CTNNA2: variants seen among roughly 807,000 people sequenced by gnomAD.
The protein encoded by CTNNA2 is catenin alpha 2.
In CTNNA2, 42 loss-of-function variants were observed where a neutral mutation model predicts 101.0. The observed-to-expected ratio is 0.42, with a 90% CI of 0.32 to 0.54. The LOEUF is 0.54. Ranked by LOEUF, CTNNA2 falls within the 20% of genes least tolerant of loss-of-function variation. The probability of loss-of-function intolerance (pLI) is 0.14; values close to 1 mark genes in which losing one functional copy is unlikely to be tolerated. For synonymous variants in CTNNA2, 450 were observed against 456.4 expected, an observed-to-expected ratio of 0.99 and a Z score of 0.18; for missense variants, 871 against 1,223.1, an observed-to-expected ratio of 0.71 and a Z score of 4.29.
intron 18 of CTNNA2, among the ~76,000 whole-genome samples, chr2:80,630,585 C>T (rs149303588): frequency 1.2e-4 from 19 of 152,108 alleles, no homozygotes; most frequent in African/African-American, 4.3e-4. Flanking sequence ...TGCAGTGAGC[C>T]GAGATTGCGC....
At chr2:79,429,186 TAAAAC>T (rs1360419809) in intron 4 of CTNNA2, among the ~76,000 whole-genome samples, 3 of 152,140 alleles carry the variant, frequency 2.0e-5, no homozygotes, top group Admixed American at 6.5e-5. Context: ...TGTACACAAT[TAAAAC>T]AAAGTAACAA....
At chr2:80,034,769 C>G in intron 7 of CTNNA2, among the ~76,000 whole-genome samples, 1 of 152,112 alleles carries the variant, frequency 6.6e-6, no homozygotes, top group East Asian at 1.9e-4. Flanking sequence ...ATAAAACATT[C>G]TGTTGGTGAG....
intron 2 of CTNNA2, among the ~76,000 whole-genome samples, chr2:79,663,159 T>C (rs1261013040): frequency 1.3e-5 from 2 of 152,162 alleles, no homozygotes; most frequent in Admixed American, 1.3e-4. Context: ...GATCTGCCAC[T>C]TTCCAACTCT....
At chr2:80,580,790 A>G (rs913449987) in intron 13 of CTNNA2, among the ~76,000 whole-genome samples, 1 of 152,162 alleles carries the variant, frequency 6.6e-6, no homozygotes, top group Non-Finnish European at 1.5e-5. Flanking sequence ...CAATGCGGGC[A>G]GATCACTTCA....
At chr2:80,035,974 T>C (rs1695620273) in intron 7 of CTNNA2, among the ~76,000 whole-genome samples, 1 of 152,200 alleles carries the variant, frequency 6.6e-6, no homozygotes, top group South Asian at 2.1e-4. Flanking sequence ...AAGCAATAGA[T>C]GTAATCTACA....
intron 2 of CTNNA2, among the ~76,000 whole-genome samples, chr2:79,232,164 G>T (rs938464834): frequency 6.6e-6 from 1 of 152,142 alleles, no homozygotes; most frequent in Non-Finnish European, 1.5e-5. Flanking sequence ...TTCAGTTTTT[G>T]CTGGTTCAGT....
intron 7 of CTNNA2, among the ~76,000 whole-genome samples, chr2:80,230,732 T>A (rs1709161751): frequency 6.6e-6 from 1 of 152,162 alleles, no homozygotes; most frequent in African/African-American, 2.4e-5. Flanking sequence ...CAGAGGAAGA[T>A]GAAGCTCACA....
intron 7 of CTNNA2, among the ~76,000 whole-genome samples, chr2:80,228,127 G>A (rs1048714289): frequency 1.6e-4 from 24 of 152,192 alleles, no homozygotes; most frequent in African/African-American, 5.8e-4. Context: ...GTCAGGATCT[G>A]TGTTCAGCAA....
At chr2:79,357,801 C>G (rs79598389) in intron 3 of CTNNA2, among the ~76,000 whole-genome samples, 3 of 152,026 alleles carry the variant, frequency 2.0e-5, no homozygotes, top group African/African-American at 7.2e-5. Context: ...TAAAGAAAGC[C>G]AGAAAATAAT....
intron 2 of CTNNA2, among the ~76,000 whole-genome samples, chr2:79,306,045 CAAAAAAA>C (rs60219150): frequency 4.1e-4 from 33 of 80,140 alleles, no homozygotes; most frequent in Non-Finnish European, 5.0e-4. Context: ...GACACCATTT[CAAAAAAA>C]AAAAAAAAAA....
intron 9 of CTNNA2, among the ~76,000 whole-genome samples, chr2:80,439,367 A>C (rs1410429846): frequency 1.3e-5 from 2 of 152,150 alleles, no homozygotes; most frequent in African/African-American, 4.8e-5. Flanking sequence ...ACTTGACAAT[A>C]ACATCTAGTG....
chr2:79,998,133 G>A (rs1692685178), intron 7 of CTNNA2, among the ~76,000 whole-genome samples: 1 of 152,154 alleles, frequency 6.6e-6, no homozygotes, highest in African/African-American at 2.4e-5. Flanking sequence ...AATGAATAAA[G>A]GCCAAAGGAA....
intron 6 of CTNNA2, among the ~76,000 whole-genome samples, chr2:79,880,266 G>A (rs1683326050): frequency 6.6e-6 from 1 of 152,116 alleles, no homozygotes; most frequent in African/African-American, 2.4e-5. Context: ...ATGGATATTG[G>A]CATGAAGTTT....
intron 2 of CTNNA2, among the ~76,000 whole-genome samples, chr2:79,266,167 A>T (rs1330451456): frequency 1.3e-5 from 2 of 152,134 alleles, no homozygotes; most frequent in African/African-American, 2.4e-5. Flanking sequence ...CCTGACTTCA[A>T]ACTGCTAGTA....
intron 7 of CTNNA2, among the ~76,000 whole-genome samples, chr2:80,224,757 A>G (rs1192990405): frequency 6.6e-6 from 1 of 152,142 alleles, no homozygotes; most frequent in African/African-American, 2.4e-5. Flanking sequence ...AGCTGCATTT[A>G]TTAATGCTAC....
chr2:80,240,867 G>A (rs961198408), intron 7 of CTNNA2, among the ~76,000 whole-genome samples: 1 of 152,132 alleles, frequency 6.6e-6, no homozygotes, highest in Non-Finnish European at 1.5e-5. Context: ...TTCTGAAGTA[G>A]CATCAGGGTA....
chr2:79,536,217 T>C (rs1673047494), intron 1 of CTNNA2, among the ~76,000 whole-genome samples: 1 of 152,216 alleles, frequency 6.6e-6, no homozygotes, highest in Non-Finnish European at 1.5e-5. Context: ...CTAGGTTTTC[T>C]TAATTTGTCA....
chr2:79,809,478 C>T (rs1676837541), intron 3 of CTNNA2, among the ~76,000 whole-genome samples: 2 of 152,130 alleles, frequency 1.3e-5, no homozygotes, highest in Admixed American at 6.6e-5. Context: ...TAATAATTGC[C>T]ACTGTAACTG....
intron 5 of CTNNA2, among the ~76,000 whole-genome samples, chr2:79,506,039 A>T (rs1010415588): frequency 6.6e-6 from 1 of 152,194 alleles, no homozygotes. Flanking sequence ...TACACAATGT[A>T]AACAGGCACT....
Sources: allele counts gnomAD v4.1 joint callset (sites outside exome capture counted in the v4.1 genomes callset), GRCh38; gene constraint gnomAD v4.1.1; transcripts MANE v1.5; gene names NCBI Gene and HGNC (gene_info 2026-07-23, HGNC 2026-07-21).